The following PUM1 variants were observed in gnomAD, a reference collection of about 807,000 sequenced individuals.
PUM1 encodes pumilio RNA binding family member 1.
In PUM1, 13 loss-of-function variants were observed where a neutral mutation model predicts 131.8. The ratio of observed to expected loss-of-function variants is 0.10; its 90% CI spans 0.06 to 0.16. The LOEUF (loss-of-function observed/expected upper bound fraction) is 0.16, where lower values mean the gene tolerates loss of function less well. Among genes scored for constraint, PUM1 ranks in the 10% least tolerant of loss-of-function variants. PUM1 has a pLI of 1.00. For missense variants in PUM1, 961 were observed against 1,512.4 expected (o/e 0.64, Z 6.05); for synonymous variants, 509 against 556.5 (o/e 0.91, Z 1.20).
intron 14 of PUM1, among the ~76,000 whole-genome samples, chr1:30,958,360 G>A (rs951914908): frequency 4.6e-5 from 7 of 152,266 alleles, no homozygotes; most frequent in South Asian, 2.1e-4. Flanking sequence ...GAACTTTTGA[G>A]CTCATTTTTA....
At chr1:31,004,237 A>G (rs1427701947) in intron 5 of PUM1, among the ~76,000 whole-genome samples, 2 of 152,236 alleles carry the variant, frequency 1.3e-5, no homozygotes, top group African/African-American at 4.8e-5. Flanking sequence ...CCCACCATGT[A>G]TCTTCCTCCT....
intron 14 of PUM1, among the ~76,000 whole-genome samples, chr1:30,957,321 T>A (rs553915483): frequency 7.4e-4 from 113 of 152,328 alleles, no homozygotes; most frequent in African/African-American, 2.6e-3. Flanking sequence ...GCGTGACAAA[T>A]AGTAAATAAA....
At chr1:31,018,672 A>C (rs1465580892) in intron 3 of PUM1, among the ~76,000 whole-genome samples, 2 of 152,184 alleles carry the variant, frequency 1.3e-5, no homozygotes, top group African/African-American at 4.8e-5. Flanking sequence ...ATTTTAAATA[A>C]AGTAAAACAA....
At chr1:31,019,360 A>T (rs1642938212) in intron 3 of PUM1, among the ~76,000 whole-genome samples, 1 of 152,222 alleles carries the variant, frequency 6.6e-6, no homozygotes, top group Non-Finnish European at 1.5e-5. Context: ...TCAAAAACAT[A>T]AATAAATAAA....
chr1:31,002,022 G>A (rs1455994541), intron 5 of PUM1, among the ~76,000 whole-genome samples: 1 of 152,180 alleles, frequency 6.6e-6, no homozygotes, highest in Non-Finnish European at 1.5e-5. Flanking sequence ...CACTGACTTT[G>A]GTAGTAAGAC....
chr1:31,024,105 C>T (rs979945705), intron 3 of PUM1, among the ~76,000 whole-genome samples: 18 of 152,048 alleles, frequency 1.2e-4, no homozygotes, highest in African/African-American at 4.1e-4. Flanking sequence ...AATCTTAGAC[C>T]TGAAAAGGTC....
At chr1:31,043,186 A>T (rs1643875927) in intron 2 of PUM1, among the ~76,000 whole-genome samples, 1 of 151,308 alleles carries the variant, frequency 6.6e-6, no homozygotes, top group South Asian at 2.1e-4. Context: ...TGACTCAATA[A>T]ACTCTAACAA....
intron 2 of PUM1, among the ~76,000 whole-genome samples, chr1:31,042,074 G>A (rs934969038): frequency 6.6e-6 from 1 of 152,130 alleles, no homozygotes; most frequent in Non-Finnish European, 1.5e-5. Flanking sequence ...GGAGGCCGAG[G>A]CAGGTGGATC....
Position 30,969,325 on chromosome 1 carries a change from AAAAAAAAAAAAG to A in PUM1, c.1507-845_1507-834del, listed in dbSNP as rs1481123340. Among the ~76,000 whole-genome samples, 5 of 147,248 alleles carry A rather than the reference AAAAAAAAAAAAG, an allele frequency of 3.4e-5. No homozygotes were observed. The Admixed American group carries it at 3.4e-4, about 10-fold the overall frequency. ...TTTCAAAACACACACACAAAAAAAA[AAAAAAAAAAAAG>A]AAAAAAAAAGAGTATTAATGGGGGT... is the stretch of plus-strand genomic sequence containing the variant. On this transcript the variant is annotated intron_variant, in intron 10 of 21. Transcript: ENST00000426105.
intron 2 of PUM1, among the ~76,000 whole-genome samples, chr1:31,056,553 G>C (rs957327210): frequency 1.4e-5 from 2 of 146,300 alleles, no homozygotes; most frequent in Non-Finnish European, 3.0e-5. Flanking sequence ...AAAGTGTTGA[G>C]ATTGCAGGGG....
At chr1:31,054,641 C>G (rs1199541585) in intron 2 of PUM1, among the ~76,000 whole-genome samples, 1 of 151,486 alleles carries the variant, frequency 6.6e-6, no homozygotes, top group Admixed American at 6.6e-5. Context: ...AATTTTCCAT[C>G]CACATTACCA....
intron 7 of PUM1, among the ~76,000 whole-genome samples, chr1:30,982,475 G>GT (rs1161754536): frequency 2.6e-5 from 4 of 152,186 alleles, no homozygotes; most frequent in Non-Finnish European, 4.4e-5. Flanking sequence ...AGACTTCAAT[G>GT]TTTGCTAAAA....
rs576416195 is a variant in PUM1 at position 31,059,267 on chromosome 1, T to G, written c.300A>C (p.Gly100=). ...GATGTTTGCTATTATTATAGCCGCC[T>G]CCTCCACTTCCTCCTCCCCCAAGCT... is the stretch of plus-strand genomic sequence containing the variant. ...GEQLGGGGSG[G]GGYNNSKHRW... The change falls in exon 2 of 22, where the codon GGA becomes GGC. Residue 100 remains glycine, a synonymous_variant. Transcript: ENST00000426105. The G allele has an allele frequency of 3.1e-6, 5 of 1,613,668 alleles. No individual in the cohort carries two copies. In the African/African-American group the frequency reaches 5.3e-5, roughly 17 times the overall value.
At chr1:30,935,045 C>G (rs1639143582) in intron 21 of PUM1, among the ~76,000 whole-genome samples, 1 of 152,180 alleles carries the variant, frequency 6.6e-6, no homozygotes, top group African/African-American at 2.4e-5. Context: ...ATTCTAGCAC[C>G]CTATTCTGTC....
intron 2 of PUM1, among the ~76,000 whole-genome samples, chr1:31,057,724 CAAAAA>C (rs58490041): frequency 2.8e-5 from 2 of 72,482 alleles, no homozygotes; most frequent in Non-Finnish European, 4.8e-5. Context: ...GACTCCATCT[CAAAAA>C]AAAAAAAAAA....
chr1:30,998,472 T>C (rs142218906), intron 5 of PUM1, among the ~76,000 whole-genome samples: 1 of 150,636 alleles, frequency 6.6e-6, no homozygotes, highest in African/African-American at 2.5e-5. Context: ...ACGCCATCTC[T>C]AAAAAAAAAG....
At chr1:30,968,698 A>T (rs889517727) in intron 10 of PUM1, among the ~76,000 whole-genome samples, 6 of 152,222 alleles carry the variant, frequency 3.9e-5, no homozygotes, top group Non-Finnish European at 2.9e-5. Context: ...CTTTAAACAC[A>T]TTATCTCTAT....
Position 30,968,349 on chromosome 1 carries a change from C to T in PUM1, c.1645+5G>A, listed in dbSNP as rs1473141783. On this transcript the variant is annotated splice_donor_5th_base_variant and intron_variant, in intron 11 of 21. Transcript: ENST00000426105. ...AAAGTATTAGGAATAACAATGCAGC[C>T]GCACCTGGCATGCCTGCTGCCAGAC... The T allele has an allele frequency of 2.5e-6, 4 of 1,583,666 alleles. No homozygotes were observed. Among genetic ancestry groups the T allele is most frequent in the Admixed American group, 3.5e-5 (2 of 56,534 alleles).
chr1:31,005,791 A>AAGAGAGAG lies in PUM1; in HGVS notation c.720+54_720+61dup, dbSNP rs57530886. Reference sequence around the variant, plus strand: ...GGCATGTTTTGCTTTAGGGGAAAAAAAGAGAGAGAGAGAGAGAGAGAGAGA... The same window carrying AAGAGAGAG: ...GGCATGTTTTGCTTTAGGGGAAAAAAAGAGAGAGAGAGAGAGAGAGAGAGAGAGAGAGA... On this transcript the variant is annotated intron_variant, in intron 5 of 21. Transcript: ENST00000426105. 4,893 of 1,313,304 alleles carry AAGAGAGAG rather than the reference A, an allele frequency of 3.7e-3. 13 individuals carry two copies. The highest frequency in any genetic ancestry group is 0.018 in the African/African-American group (1,230 of 66,678). The allele number at this position is 1,313,304 out of a possible 1,614,324, so 81.4% of individuals were successfully genotyped here.
Sources: gnomAD v4.1 joint callset for allele counts (sites outside exome capture counted in the v4.1 genomes callset) on GRCh38, gnomAD v4.1.1 for gene constraint, MANE v1.5 for transcripts, NCBI Gene and HGNC (gene_info 2026-07-23, HGNC 2026-07-21) for gene names.